The following SNX29 variants were observed in gnomAD, a reference collection of about 807,000 sequenced individuals.
SNX29 encodes the protein sorting nexin-29.
In SNX29, 78 loss-of-function variants were observed where a neutral mutation model predicts 102.1. The observed-to-expected ratio is 0.76, with a 90% CI of 0.64 to 0.92. The LOEUF (loss-of-function observed/expected upper bound fraction) is 0.92, where lower values mean the gene tolerates loss of function less well. Ranked by LOEUF, SNX29 falls within the 40% of genes least tolerant of loss-of-function variation. The pLI, the probability that SNX29 is intolerant of heterozygous loss-of-function variation, is 0.00. For missense variants in SNX29, 1,280 were observed against 1,061.7 expected, an observed-to-expected ratio of 1.21 and a Z score of -2.86; for synonymous variants, 580 against 414.5, an observed-to-expected ratio of 1.40 and a Z score of -4.85.
At chr16:12,475,497 T>C (rs928673032) in intron 18 of SNX29, among the ~76,000 whole-genome samples, 12 of 152,242 alleles carry the variant, frequency 7.9e-5, no homozygotes, top group African/African-American at 2.4e-4. Context: ...CCTTGACTTA[T>C]GATGGGGTTA....
chr16:12,473,852 AAG>A (rs2151803984), intron 18 of SNX29, among the ~76,000 whole-genome samples: 1 of 152,288 alleles, frequency 6.6e-6, no homozygotes, highest in African/African-American at 2.4e-5. Flanking sequence ...TGGTCTGAAA[AAG>A]GGAGGCATGA....
At chr16:12,082,277 GCAGGCATC>G (rs1474629698) in intron 11 of SNX29, among the ~76,000 whole-genome samples, 2 of 152,082 alleles carry the variant, frequency 1.3e-5, no homozygotes, top group Admixed American at 6.6e-5. Flanking sequence ...AAGTAGGGCT[GCAGGCATC>G]CCTGTGTGCC....
At chr16:12,080,897 T>A (rs982630454) in intron 11 of SNX29, among the ~76,000 whole-genome samples, 94 of 151,594 alleles carry the variant, frequency 6.2e-4, no homozygotes, top group African/African-American at 2.1e-3. Context: ...TTGGCCGGGC[T>A]GGTCTTGAAC....
chr16:12,474,264 G>A (rs1304830436), intron 18 of SNX29, among the ~76,000 whole-genome samples: 4 of 152,224 alleles, frequency 2.6e-5, no homozygotes, highest in Non-Finnish European at 4.4e-5. Flanking sequence ...GAGGTGCGTA[G>A]TGCCTGGGAT....
At chr16:12,532,777 T>C (rs774928146) in intron 20 of SNX29, among the ~76,000 whole-genome samples, 1 of 152,070 alleles carries the variant, frequency 6.6e-6, no homozygotes, top group Non-Finnish European at 1.5e-5. Flanking sequence ...CTGGAGTCCA[T>C]GGGGCAGAGG....
At chr16:12,322,333 C>T (rs1596903145) in intron 15 of SNX29, among the ~76,000 whole-genome samples, 1 of 152,060 alleles carries the variant, frequency 6.6e-6, no homozygotes, top group African/African-American at 2.4e-5. Context: ...GGGGCTATCG[C>T]AAGAGAGGGC....
chr16:12,552,724 G>A (rs11864550), intron 20 of SNX29, among the ~76,000 whole-genome samples: 1,704 of 152,352 alleles, frequency 0.011, 28 homozygotes, highest in African/African-American at 0.039. Flanking sequence ...TGATAGAAGA[G>A]ACATGGTATC....
At chr16:12,346,159 G>T (rs1162220746) in intron 15 of SNX29, among the ~76,000 whole-genome samples, 1 of 152,112 alleles carries the variant, frequency 6.6e-6, no homozygotes, top group Non-Finnish European at 1.5e-5. Context: ...GGGGCAGCAG[G>T]GAGGCGGTGG....
chr16:12,189,832 C>T (rs971394397), intron 13 of SNX29, among the ~76,000 whole-genome samples: 1 of 152,034 alleles, frequency 6.6e-6, no homozygotes, highest in Non-Finnish European at 1.5e-5. Flanking sequence ...AAGCTGAATC[C>T]GTCCCATCCA....
At chr16:12,131,009 A>C (rs1486381113) in intron 13 of SNX29, among the ~76,000 whole-genome samples, 1 of 152,138 alleles carries the variant, frequency 6.6e-6, no homozygotes, top group African/African-American at 2.4e-5. Flanking sequence ...ATATTTTGGA[A>C]ATATTCCTGG....
Position 12,098,989 on chromosome 16 carries a change from T to C in SNX29, c.1402+20074T>C, listed in dbSNP as rs1048997668. ...AGCAGAGAGTACGGGACAGAAAGAG[T>C]GAGGGTGGGAACTGGGGAGTGGGGA... On this transcript the variant is annotated intron_variant, in intron 11 of 20. Coordinates refer to ENST00000566228, the MANE Select transcript of SNX29 (RefSeq NM_032167.5). This position sits in a 1 kb window ranked among gnomAD's most constrained non-coding sequence, Gnocchi z 6.0. Among the ~76,000 whole-genome samples, 1 of 150,854 alleles carries C rather than the reference T, an allele frequency of 6.6e-6. No individual in the cohort carries two copies. Among genetic ancestry groups the C allele is most frequent in the African/African-American group, 2.4e-5 (1 of 40,940 alleles).
At chr16:12,565,802 C>A (rs796114638) in intron 20 of SNX29, among the ~76,000 whole-genome samples, 43 of 152,324 alleles carry the variant, frequency 2.8e-4, no homozygotes, top group African/African-American at 9.9e-4. Flanking sequence ...CTTTACACAG[C>A]AACCCTCAGC....
chr16:12,572,551 G>A lies in SNX29; in HGVS notation c.*3922G>A. On this transcript the variant is annotated 3_prime_UTR_variant, in exon 21 of 21. Coordinates refer to ENST00000566228, the MANE Select transcript of SNX29 (RefSeq NM_032167.5). ...CCCACAGGGGGCTGCGACACCATCT[G>A]GCTCCTCACAGGGAGGTCCAGCCAT... 1 of 1,063,610 alleles carries A rather than the reference G, an allele frequency of 9.4e-7. No individual in the cohort carries two copies. The highest frequency in any genetic ancestry group is 5.0e-5 in the East Asian group (1 of 19,924). 65.9% of individuals were successfully genotyped at this position (1,063,610 alleles called of 1,614,324 possible).
chr16:12,106,057 G>A (rs908079211), intron 11 of SNX29, among the ~76,000 whole-genome samples: 3 of 152,120 alleles, frequency 2.0e-5, no homozygotes, highest in Non-Finnish European at 2.9e-5. Flanking sequence ...TCTAAGTAAC[G>A]CGAGGGAGGA....
At chr16:12,340,797 T>C (rs2081589400) in intron 15 of SNX29, among the ~76,000 whole-genome samples, 1 of 152,182 alleles carries the variant, frequency 6.6e-6, no homozygotes, top group African/African-American at 2.4e-5. Context: ...AGCATCTTTG[T>C]GGGTTCTTGA....
intron 20 of SNX29, among the ~76,000 whole-genome samples, chr16:12,563,008 C>G (rs1009091704): frequency 2.0e-5 from 3 of 152,184 alleles, no homozygotes; most frequent in South Asian, 2.1e-4. Context: ...TTCAATGCGC[C>G]TTTCAAACCG....
intron 19 of SNX29, among the ~76,000 whole-genome samples, chr16:12,508,976 G>C (rs1004783675): frequency 5.9e-5 from 9 of 152,158 alleles, no homozygotes; most frequent in Non-Finnish European, 1.2e-4. Context: ...GTTGGAGATA[G>C]TGTCCATAAG....
chr16:12,291,634 T>G (rs7500910), intron 15 of SNX29, among the ~76,000 whole-genome samples: 70,245 of 152,094 alleles, frequency 0.46, 17,764 homozygotes, highest in Non-Finnish European at 0.59. Flanking sequence ...GTCTCTCCAT[T>G]CTTGTCAAAA....
At chr16:12,121,267 C>G (rs937041717) in intron 11 of SNX29, among the ~76,000 whole-genome samples, 7 of 152,228 alleles carry the variant, frequency 4.6e-5, no homozygotes. Flanking sequence ...ATGGGAATCA[C>G]TGAACTCTAC....
Sources: allele counts gnomAD v4.1 joint callset (sites outside exome capture counted in the v4.1 genomes callset), GRCh38; gene constraint gnomAD v4.1.1; non-coding constraint Gnocchi (gnomAD v3.1); transcripts MANE v1.5; gene names NCBI Gene and HGNC (gene_info 2026-07-23, HGNC 2026-07-21).